The following GNAQ variants were observed in gnomAD, a reference collection of about 807,000 sequenced individuals.
The protein encoded by GNAQ is guanine nucleotide-binding protein G(q) subunit alpha.
GNAQ carries 8 observed loss-of-function variants against 43.9 expected under a neutral mutation model. The observed-to-expected ratio is 0.18, with a 90% CI of 0.11 to 0.33. GNAQ has a LOEUF of 0.33. Ranked by LOEUF, GNAQ falls within the 10% of genes least tolerant of loss-of-function variation. The probability of loss-of-function intolerance (pLI) is 1.00; values close to 1 mark genes in which losing one functional copy is unlikely to be tolerated. For synonymous variants in GNAQ, 155 were observed against 170.7 expected (o/e 0.91, Z 0.71); for missense variants, 158 against 450.8 (o/e 0.35, Z 5.88).
chr9:77,860,130 C>T (rs573076531), intron 2 of GNAQ, among the ~76,000 whole-genome samples: 13 of 152,212 alleles, frequency 8.5e-5, no homozygotes, highest in African/African-American at 3.1e-4. Context: ...TTAAAGCTGC[C>T]CTAGAACAGA....
At chr9:77,803,673 T>C (rs1485359602) in intron 3 of GNAQ, among the ~76,000 whole-genome samples, 1 of 152,190 alleles carries the variant, frequency 6.6e-6, no homozygotes, top group East Asian at 1.9e-4. Flanking sequence ...GTTTATCAAT[T>C]TGTGGGGAAA....
chr9:77,927,840 C>T (rs1457591099), intron 1 of GNAQ, among the ~76,000 whole-genome samples: 1 of 151,904 alleles, frequency 6.6e-6, no homozygotes, highest in African/African-American at 2.4e-5. Flanking sequence ...GGACGAATGC[C>T]CCCACCCCAC....
chr9:77,995,289 G>A (rs757612070), intron 1 of GNAQ, among the ~76,000 whole-genome samples: 4 of 152,100 alleles, frequency 2.6e-5, no homozygotes, highest in Non-Finnish European at 5.9e-5. Context: ...TTCTATGACC[G>A]TAAGGTCCAC....
chr9:77,847,882 G>A (rs1827612513), intron 2 of GNAQ, among the ~76,000 whole-genome samples: 1 of 152,190 alleles, frequency 6.6e-6, no homozygotes, highest in South Asian at 2.1e-4. Context: ...CCTGCCCATG[G>A]GGCCTAGAGA....
intron 1 of GNAQ, among the ~76,000 whole-genome samples, chr9:78,026,299 T>G (rs1261678470): frequency 1.3e-5 from 2 of 152,140 alleles, no homozygotes; most frequent in African/African-American, 4.8e-5. Flanking sequence ...TCTACGTAGT[T>G]CAATGCAAAA....
intron 2 of GNAQ, among the ~76,000 whole-genome samples, chr9:77,863,911 C>T (rs1425128845): frequency 1.3e-5 from 2 of 152,156 alleles, no homozygotes; most frequent in African/African-American, 2.4e-5. Context: ...CAATTACCTA[C>T]CACTGGGTCC....
intron 5 of GNAQ, among the ~76,000 whole-genome samples, chr9:77,775,321 A>T (rs1250118986): frequency 2.6e-5 from 4 of 151,898 alleles, no homozygotes; most frequent in Non-Finnish European, 4.4e-5. Flanking sequence ...ACCTCAAAAG[A>T]TTTTATATAT....
At position 77,851,189 on chromosome 9, in the gene GNAQ, A is replaced by G. The variant is rs554535614; in HGVS notation, c.322-35419T>C. Among the ~76,000 whole-genome samples, 17 of 152,332 alleles carry G rather than the reference A, an allele frequency of 1.1e-4. No individual in the cohort carries two copies. The East Asian group carries it at 2.1e-3, about 19-fold the overall frequency. On this transcript the variant is annotated intron_variant, in intron 2 of 6. Transcript: ENST00000286548. ...TGAAGATGGAGAAAGTAAATCCAAC[A>G]TAATTGTCTAGCTTACACAAAATCG...
At chr9:77,896,673 G>C (rs923089704) in intron 2 of GNAQ, among the ~76,000 whole-genome samples, 5 of 152,068 alleles carry the variant, frequency 3.3e-5, no homozygotes, top group Admixed American at 2.6e-4. Flanking sequence ...TACAAACAAA[G>C]GACATGCACT....
intron 2 of GNAQ, among the ~76,000 whole-genome samples, chr9:77,866,678 A>G (rs1026746771): frequency 6.6e-6 from 1 of 152,208 alleles, no homozygotes; most frequent in Non-Finnish European, 1.5e-5. Flanking sequence ...AAAAGAATAT[A>G]AAAATAACAA....
In GNAQ at chr9:77,731,433, C is replaced by T. The variant is rs764792678; in HGVS notation, c.736-2766G>A. On this transcript the variant is annotated intron_variant, in intron 5 of 6. Coordinates refer to ENST00000286548, the MANE Select transcript of GNAQ (RefSeq NM_002072.5). ...CAGGTCCTGCTGAAGCTCACCCATGCATGCAGTCTGGGGCTGCTCAAGGAC... is the reference window on the plus strand; with the variant it reads ...CAGGTCCTGCTGAAGCTCACCCATGTATGCAGTCTGGGGCTGCTCAAGGAC... Among the ~76,000 whole-genome samples, 136 of 152,310 alleles carry T rather than the reference C, an allele frequency of 8.9e-4. No homozygotes were observed. In the Middle Eastern group the frequency reaches 0.017, roughly 19 times the overall value.
intron 1 of GNAQ, among the ~76,000 whole-genome samples, chr9:77,991,737 A>G (rs1051470645): frequency 4.6e-5 from 7 of 152,154 alleles, no homozygotes; most frequent in Admixed American, 2.6e-4. Context: ...CTTCCCTCCA[A>G]GTCCCCTAAG....
chr9:77,723,371 C>T (rs555387742), intron 6 of GNAQ, among the ~76,000 whole-genome samples: 4 of 152,288 alleles, frequency 2.6e-5, no homozygotes, highest in East Asian at 3.9e-4. Flanking sequence ...ATATGACCGA[C>T]CCTGCTAGTC....
Position 77,922,425 on chromosome 9 carries a change from T to C in GNAQ, c.137-80A>G, listed in dbSNP as rs575012039. On this transcript the variant is annotated intron_variant, in intron 1 of 6. Coordinates refer to ENST00000286548, the MANE Select transcript of GNAQ (RefSeq NM_002072.5). ...GATAACTAAACCAAATACCATGCCT[T>C]GGATTTAACATCCCCAGATAGCCTG... The C allele has an allele frequency of 5.2e-6, 5 of 956,344 alleles. No individual in the cohort carries two copies. In the South Asian group the frequency reaches 7.6e-5, roughly 15 times the overall value. The allele number at this position is 956,344 out of a possible 1,614,324, so 59.2% of individuals were successfully genotyped here.
chr9:78,002,755 T>G (rs1233754218), intron 1 of GNAQ, among the ~76,000 whole-genome samples: 1 of 152,150 alleles, frequency 6.6e-6, no homozygotes, highest in Admixed American at 6.5e-5. Flanking sequence ...TAGGACTGAA[T>G]GGAAAAAAAT....
intron 1 of GNAQ, among the ~76,000 whole-genome samples, chr9:77,969,415 T>C (rs2118451955): frequency 6.6e-6 from 1 of 152,274 alleles, no homozygotes; most frequent in East Asian, 1.9e-4. Context: ...GCCCAAGATC[T>C]TGCCTCCCTA....
intron 1 of GNAQ, among the ~76,000 whole-genome samples, chr9:77,958,528 T>C (rs1823070228): frequency 6.6e-6 from 1 of 152,218 alleles, no homozygotes; most frequent in Non-Finnish European, 1.5e-5. Context: ...AGTTAGAAAA[T>C]TGACAGAATG....
intron 2 of GNAQ, among the ~76,000 whole-genome samples, chr9:77,820,323 T>C (rs2118524228): frequency 6.6e-6 from 1 of 152,352 alleles, no homozygotes; most frequent in African/African-American, 2.4e-5. Flanking sequence ...TATCAGACTG[T>C]TTCACGTTTT....
intron 2 of GNAQ, among the ~76,000 whole-genome samples, chr9:77,899,771 C>T (rs1156733134): frequency 2.0e-5 from 3 of 152,002 alleles, no homozygotes; most frequent in East Asian, 1.9e-4. Context: ...CAGAGAATGG[C>T]GTCTCTGCAC....
Sources: allele counts gnomAD v4.1 joint callset (sites outside exome capture counted in the v4.1 genomes callset), GRCh38; gene constraint gnomAD v4.1.1; transcripts MANE v1.5; gene names NCBI Gene and HGNC (gene_info 2026-07-23, HGNC 2026-07-21).